ABAT: variants seen among roughly 807,000 people sequenced by gnomAD.
ABAT encodes the protein 4-aminobutyrate aminotransferase.
ABAT carries 45 observed loss-of-function variants against 64.6 expected under a neutral mutation model. The ratio of observed to expected loss-of-function variants is 0.70; its 90% CI spans 0.55 to 0.89. The LOEUF (loss-of-function observed/expected upper bound fraction) is 0.89. Ranked by LOEUF, ABAT falls within the 40% of genes least tolerant of loss-of-function variation. The pLI, the probability that ABAT is intolerant of heterozygous loss-of-function variation, is 0.00. For synonymous variants in ABAT, 297 were observed against 250.5 expected, an observed-to-expected ratio of 1.19 and a Z score of -1.75; for missense variants, 633 against 658.4, an observed-to-expected ratio of 0.96 and a Z score of 0.42.
At chr16:8,750,132 C>G (rs1204954469) in intron 4 of ABAT, among the ~76,000 whole-genome samples, 1 of 152,334 alleles carries the variant, frequency 6.6e-6, no homozygotes, top group South Asian at 2.1e-4. Flanking sequence ...GTTTACCATA[C>G]ATATCTTAAC....
chr16:8,688,809 A>G (rs192856286), intron 1 of ABAT, among the ~76,000 whole-genome samples: 199 of 152,286 alleles, frequency 1.3e-3, no homozygotes, highest in Non-Finnish European at 2.2e-3. Flanking sequence ...TGGGCATGGT[A>G]TCTCACACCT....
At chr16:8,707,576 T>C (rs2057976792) in intron 1 of ABAT, among the ~76,000 whole-genome samples, 1 of 152,022 alleles carries the variant, frequency 6.6e-6, no homozygotes, top group Admixed American at 6.6e-5. Context: ...CATGTAATTG[T>C]GGTTATGTTC....
chr16:8,724,746 C>CA (rs869130725), intron 1 of ABAT, among the ~76,000 whole-genome samples: 73 of 6,600 alleles, frequency 0.011, no homozygotes, highest in African/African-American at 0.031. Context: ...AAAAAAAAAA[C>CA]AAAAAAAAAA....
At chr16:8,728,267 T>A (rs916305505) in intron 1 of ABAT, among the ~76,000 whole-genome samples, 1 of 152,212 alleles carries the variant, frequency 6.6e-6, no homozygotes, top group Non-Finnish European at 1.5e-5. Context: ...TAAGGTCAAT[T>A]TTCAACTGCA....
At chr16:8,726,175 C>T (rs2058547195) in intron 1 of ABAT, among the ~76,000 whole-genome samples, 1 of 151,992 alleles carries the variant, frequency 6.6e-6, no homozygotes, top group South Asian at 2.1e-4. Flanking sequence ...TAAGTGAGAA[C>T]ACATGCCACT....
At position 8,774,910 on chromosome 16, in the gene ABAT, G is replaced by A. The variant is rs761480429; in HGVS notation, c.975G>A (p.Val325=). 3.1e-6 allele frequency: 5 copies of A among 1,613,990 alleles called. No homozygotes were observed. The highest frequency in any genetic ancestry group is 1.3e-5 in the African/African-American group (1 of 74,928). The change falls in exon 13 of 16, where the codon GTG becomes GTA. Residue 325 remains valine (V), a synonymous_variant. Coordinates refer to ENST00000268251, the MANE Select transcript of ABAT (RefSeq NM_020686.6). ...IARKHGCAFL[V]DEVQTGGGCT... is the part of the protein sequence containing the mutation. ...GCCAGCATGGCTGCGCCTTCTTGGT[G>A]GACGAGGTCCAGACCGGAGGAGGCT...
Position 8,764,270 on chromosome 16 carries a change from ATTC to A in ABAT, c.447+125_447+127del. On this transcript the variant is annotated intron_variant, in intron 7 of 15. Transcript: ENST00000268251. This position sits in a 1 kb window ranked among gnomAD's most constrained non-coding sequence, Gnocchi z 4.2. ...TACAGAAATCTTTCTCTCTGAGCTT[ATTC>A]TTCCATGCAGAGTATTTTAAATTTT... is the stretch of plus-strand genomic sequence containing the variant. 2.3e-6 allele frequency: 2 copies of A among 881,384 alleles called. No homozygotes were observed. The highest frequency in any genetic ancestry group is 2.8e-5 in the South Asian group (2 of 71,858). The allele number at this position is 881,384 out of a possible 1,614,324, so 54.6% of individuals were successfully genotyped here.
At chr16:8,691,054 A>G (rs2057568080) in intron 1 of ABAT, among the ~76,000 whole-genome samples, 6 of 152,094 alleles carry the variant, frequency 3.9e-5, no homozygotes, top group African/African-American at 9.7e-5. Flanking sequence ...GGGGGAAAAA[A>G]AAAAACCCTG....
At chr16:8,780,387 C>G (rs1317501747) in intron 15 of ABAT, 1 of 154,312 alleles carries the variant, frequency 6.5e-6, no homozygotes, top group Non-Finnish European at 1.4e-5. Flanking sequence ...CTTCTTGTGC[C>G]ATCTTACAGA....
At chr16:8,768,142 G>T in intron 9 of ABAT, 51 bp from the exon 10 acceptor site, 1 of 1,572,320 alleles carries the variant, frequency 6.4e-7, no homozygotes, top group Non-Finnish European at 8.8e-7. Context: ...CAACAATACA[G>T]TTCCCCCATC....
intron 5 of ABAT, chr16:8,757,148 T>C (rs963018736): frequency 8.8e-6 from 4 of 454,592 alleles, no homozygotes; most frequent in African/African-American, 8.0e-5. Flanking sequence ...AGGCTTGAAA[T>C]TTTCTTGCAT....
chr16:8,738,713 C>T (rs1035251469), intron 2 of ABAT, among the ~76,000 whole-genome samples: 51 of 148,222 alleles, frequency 3.4e-4, no homozygotes, highest in African/African-American at 8.3e-4. Flanking sequence ...GGTGCAATCT[C>T]GACTCACTGC....
chr16:8,728,256 A>T (rs1405413170), intron 1 of ABAT, among the ~76,000 whole-genome samples: 1 of 152,246 alleles, frequency 6.6e-6, no homozygotes, highest in Admixed American at 6.5e-5. Flanking sequence ...AGATTTTGTT[A>T]TAAGGTCAAT....
At chr16:8,745,245 G>A (rs1435088118) in intron 2 of ABAT, among the ~76,000 whole-genome samples, 1 of 152,154 alleles carries the variant, frequency 6.6e-6, no homozygotes, top group Admixed American at 6.5e-5. Context: ...GACTCCCAGA[G>A]TGCTGGGATT....
intron 1 of ABAT, among the ~76,000 whole-genome samples, chr16:8,678,879 A>AT (rs376530781): frequency 3.2e-4 from 48 of 151,672 alleles, no homozygotes; most frequent in East Asian, 9.7e-4. Flanking sequence ...GTATGATCCT[A>AT]TTTTTTTTTA....
At chr16:8,693,256 C>T (rs112763591) in intron 1 of ABAT, among the ~76,000 whole-genome samples, 1 of 152,122 alleles carries the variant, frequency 6.6e-6, no homozygotes, top group African/African-American at 2.4e-5. Flanking sequence ...AGATTAGCCT[C>T]TACGTATATT....
At position 8,764,032 on chromosome 16, in the gene ABAT, C is replaced by G. The variant is rs778690625; in HGVS notation, c.367-37C>G. 6.3e-7 allele frequency: 1 copy of G among 1,575,952 alleles called. No homozygotes were observed. The highest frequency in any genetic ancestry group is 1.1e-5 in the South Asian group (1 of 90,258). On this transcript the variant is annotated intron_variant, in intron 6 of 15. Coordinates refer to ENST00000268251, the MANE Select transcript of ABAT (RefSeq NM_020686.6). This position sits in a 1 kb window ranked among gnomAD's most constrained non-coding sequence, Gnocchi z 4.2. The stretch of plus-strand genomic sequence containing the variant: ...TTGTGGGCAGGGAGCTGGGTCAGGC[C>G]CCCAGAAGTCACCATTTGTCTCTTG...
chr16:8,746,910 C>G (rs2059349253), intron 3 of ABAT, among the ~76,000 whole-genome samples: 1 of 152,126 alleles, frequency 6.6e-6, no homozygotes, highest in Non-Finnish European at 1.5e-5. Flanking sequence ...GGGCTCACCT[C>G]CATGCCTGGG....
At chr16:8,756,522 A>G (rs1050697947) in intron 5 of ABAT, among the ~76,000 whole-genome samples, 2 of 152,192 alleles carry the variant, frequency 1.3e-5, no homozygotes, top group Admixed American at 1.3e-4. Context: ...TTTAATTTTA[A>G]TAGAGTGGGG....
Sources: gnomAD v4.1 joint callset for allele counts (sites outside exome capture counted in the v4.1 genomes callset) on GRCh38, gnomAD v4.1.1 for gene constraint, Gnocchi (gnomAD v3.1) non-coding constraint, MANE v1.5 for transcripts, NCBI Gene and HGNC (gene_info 2026-07-23, HGNC 2026-07-21) for gene names.